The following WSB2 variants were observed in gnomAD, a reference collection of about 807,000 sequenced individuals.
The protein encoded by WSB2 is WD repeat and SOCS box-containing protein 2.
Under a neutral mutation model 48.8 loss-of-function variants are expected in WSB2, and 12 were observed. The ratio of observed to expected loss-of-function variants is 0.25; its 90% CI spans 0.16 to 0.40. The LOEUF (loss-of-function observed/expected upper bound fraction) is 0.40. Among genes scored for constraint, WSB2 ranks in the 10% least tolerant of loss-of-function variants. WSB2 has a pLI of 1.00. For missense variants in WSB2, 317 were observed against 506.2 expected (o/e 0.63, Z 3.59); for synonymous variants, 191 against 203.1 (o/e 0.94, Z 0.51).
At chr12:118,050,277 G>A (rs1461188072) in intron 2 of WSB2, among the ~76,000 whole-genome samples, 1 of 152,204 alleles carries the variant, frequency 6.6e-6, no homozygotes. Context: ...ACATACAGAT[G>A]CTGGGCCATC....
intron 1 of WSB2, 32 bp from the exon 2 acceptor site, chr12:118,052,510 C>T: frequency 6.2e-7 from 1 of 1,612,276 alleles, no homozygotes; most frequent in Non-Finnish European, 8.5e-7. Context: ...TTCAAACACA[C>T]ACCCCCTTGC....
rs938419814 is a variant in WSB2, at chr12:118,033,389, T to C, written c.*807A>G. On this transcript the variant is annotated 3_prime_UTR_variant, in exon 9 of 9. Coordinates refer to ENST00000315436, the MANE Select transcript of WSB2 (RefSeq NM_018639.5). ...TTTAGATAATCGAGAAAAACACAGT[T>C]GTACCTTAACATCTGTTGAGAAAAT... The C allele has an allele frequency of 6.6e-6, 1 of 152,620 alleles. No homozygotes were observed. The highest frequency in any genetic ancestry group is 1.5e-5 in the Non-Finnish European group (1 of 68,030). 9.5% of individuals were successfully genotyped at this position (152,620 alleles called of 1,614,324 possible).
intron 1 of WSB2, among the ~76,000 whole-genome samples, chr12:118,058,148 C>T (rs1360802432): frequency 2.0e-5 from 3 of 152,048 alleles, no homozygotes; most frequent in Non-Finnish European, 4.4e-5. Context: ...TTAGCCTTAA[C>T]ACAGAGATGA....
At chr12:118,061,557 G>C (rs552923602), upstream of WSB2, among the ~76,000 whole-genome samples, 4 of 151,256 alleles carry the variant, frequency 2.6e-5, no homozygotes, top group South Asian at 4.2e-4. Flanking sequence ...AACCGGAGTA[G>C]GGGAAGCCGG....
Position 118,034,159 on chromosome 12 carries a change from T to C in WSB2, c.*37A>G. On this transcript the variant is annotated 3_prime_UTR_variant, in exon 9 of 9. Coordinates refer to ENST00000315436, the MANE Select transcript of WSB2 (RefSeq NM_018639.5). ...CAGCAACTCCCTTTGACAGGACGAT[T>C]TACCCTGCTACAAAGAAGCACAAGA... 1 of 1,612,794 alleles carries C rather than the reference T, an allele frequency of 6.2e-7. No individual in the cohort carries two copies. Among genetic ancestry groups the C allele is most frequent in the Non-Finnish European group, 8.5e-7 (1 of 1,179,086 alleles).
chr12:118,041,238 G>A (rs1329136040), intron 4 of WSB2, among the ~76,000 whole-genome samples: 2 of 152,106 alleles, frequency 1.3e-5, no homozygotes, highest in South Asian at 2.1e-4. Flanking sequence ...AAGTCAATAG[G>A]TCATGAGGGT....
intron 2 of WSB2, among the ~76,000 whole-genome samples, chr12:118,044,953 A>C (rs368433007): frequency 8.1e-4 from 123 of 152,326 alleles, no homozygotes; most frequent in African/African-American, 2.7e-3. Context: ...TTTATGTATT[A>C]ATTGGTGCGA....
chr12:118,034,206 C>G lies in WSB2; in HGVS notation c.1205G>C (p.Arg402Thr), dbSNP rs572067248. Residue 402 changes from arginine to threonine, a missense_variant, in exon 9 of 9, where the codon AGG becomes ACG. By Grantham distance (71) the Arg-to-Thr change is moderately conservative (BLOSUM62 -1). Around this residue, in one of 2 missense-constraint regions of WSB2, gnomAD observed 189 missense variants for 349.6 expected, o/e 0.54. Coordinates refer to ENST00000315436, the MANE Select transcript of WSB2 (RefSeq NM_018639.5). The part of the protein sequence containing the change: ...PKKMKEFLTY[R>T]TF ...AAGATGTGGTGTTGCTTAAAAAGTC[C>G]TGTATGTGAGGAACTCTTTCATTTT... 6.2e-7 allele frequency: 1 copy of G among 1,614,036 alleles called. No individual in the cohort carries two copies. The highest frequency in any genetic ancestry group is 1.1e-5 in the South Asian group (1 of 91,082).
chr12:118,043,677 G>A (rs1566138798), intron 2 of WSB2, among the ~76,000 whole-genome samples: 1 of 152,118 alleles, frequency 6.6e-6, no homozygotes, highest in African/African-American at 2.4e-5. Flanking sequence ...AAACTCCTGA[G>A]CTCAAGTGAT....
At chr12:118,038,783 C>A (rs1398534925) in intron 4 of WSB2, among the ~76,000 whole-genome samples, 1 of 152,080 alleles carries the variant, frequency 6.6e-6, no homozygotes. Flanking sequence ...CAAGTTGAAG[C>A]GATTCTCCTG....
At chr12:118,057,952 A>G (rs188875155) in intron 1 of WSB2, among the ~76,000 whole-genome samples, 82 of 149,778 alleles carry the variant, frequency 5.5e-4, no homozygotes, top group Admixed American at 1.8e-3. Context: ...AATTTTTAGT[A>G]GAGATGGGGG....
At chr12:118,045,479 C>T (rs1224918711) in intron 2 of WSB2, among the ~76,000 whole-genome samples, 2 of 152,066 alleles carry the variant, frequency 1.3e-5, no homozygotes, top group African/African-American at 2.4e-5. Context: ...GGGTGGATCA[C>T]CTGAGGTCAG....
chr12:118,041,000 G>A (rs985441545), intron 4 of WSB2, among the ~76,000 whole-genome samples: 4 of 152,242 alleles, frequency 2.6e-5, no homozygotes, highest in African/African-American at 9.6e-5. Flanking sequence ...AGTGAGCTGA[G>A]ATCGTGCCAC....
intron 4 of WSB2, among the ~76,000 whole-genome samples, 161 bp from the exon 5 acceptor site, chr12:118,038,549 A>G (rs1463007999): frequency 6.6e-6 from 1 of 152,182 alleles, no homozygotes; most frequent in Non-Finnish European, 1.5e-5. Context: ...AAGAAATATG[A>G]CCAGATTTGT....
intron 5 of WSB2, among the ~76,000 whole-genome samples, chr12:118,037,389 A>G (rs867854420): frequency 1.4e-4 from 21 of 152,172 alleles, no homozygotes; most frequent in African/African-American, 4.8e-4. Flanking sequence ...CCCTCAGGCC[A>G]GGCGCGGTGG....
intron 4 of WSB2, 89 bp from the exon 5 acceptor site, chr12:118,038,477 A>C: frequency 1.6e-6 from 2 of 1,215,432 alleles, no homozygotes; most frequent in Non-Finnish European, 2.4e-6. Flanking sequence ...AACAGCCCCC[A>C]GCCCAGTATA....
At chr12:118,059,880 T>G (rs1241898302) in intron 1 of WSB2, among the ~76,000 whole-genome samples, 1 of 152,148 alleles carries the variant, frequency 6.6e-6, no homozygotes, top group Non-Finnish European at 1.5e-5. Context: ...AAATGTCATT[T>G]CCTAAATTAA....
intron 6 of WSB2, 117 bp downstream of exon 6, chr12:118,036,221 T>G: frequency 7.8e-7 from 1 of 1,285,242 alleles, no homozygotes; most frequent in East Asian, 2.4e-5. Context: ...CCACTGTGCC[T>G]TTTTATCCAG....
intron 4 of WSB2, among the ~76,000 whole-genome samples, 172 bp from the exon 5 acceptor site, chr12:118,038,560 C>A (rs551877958): frequency 6.6e-6 from 1 of 152,118 alleles, no homozygotes; most frequent in Non-Finnish European, 1.5e-5. Context: ...CCAGATTTGT[C>A]ATTTAAACAC....
Sources: allele counts gnomAD v4.1 joint callset (sites outside exome capture counted in the v4.1 genomes callset), GRCh38; gene constraint gnomAD v4.1.1; regional missense constraint gnomAD v4.1.1; transcripts MANE v1.5; gene names NCBI Gene and HGNC (gene_info 2026-07-23, HGNC 2026-07-21).